Variants in KCNA2 observed in about 807,000 individuals in gnomAD.
KCNA2 encodes the protein potassium voltage-gated channel subfamily A member 2, also known as potassium channel, voltage gated shaker related subfamily A, member 2.
Under a neutral mutation model 33.4 loss-of-function variants are expected in KCNA2, and 11 were observed. The observed-to-expected ratio is 0.33, with a 90% CI of 0.21 to 0.55. KCNA2 has a LOEUF of 0.55. Ranked by LOEUF, KCNA2 falls within the 20% of genes least tolerant of loss-of-function variation. The probability of loss-of-function intolerance (pLI) is 0.93; values close to 1 mark genes in which losing one functional copy is unlikely to be tolerated. For synonymous variants in KCNA2, 222 were observed against 231.3 expected, an observed-to-expected ratio of 0.96 and a Z score of 0.37; for missense variants, 291 against 621.6, an observed-to-expected ratio of 0.47 and a Z score of 5.66.
chr1:110,596,659 A>C lies in KCNA2; in HGVS notation c.*6624T>G. On this transcript the variant is annotated 3_prime_UTR_variant, in exon 3 of 3. Transcript: ENST00000316361. ...CCTGTTATCTTCAAACACTCTACTTAACTAAGGCAGGAAAGTTATGCTAAC... is the reference window on the plus strand; with the variant it reads ...CCTGTTATCTTCAAACACTCTACTTCACTAAGGCAGGAAAGTTATGCTAAC... 1 of 861,392 alleles carries C rather than the reference A, an allele frequency of 1.2e-6. No individual in the cohort carries two copies. The highest frequency in any genetic ancestry group is 5.3e-5 in the South Asian group (1 of 18,788). 53.4% of individuals were successfully genotyped at this position (861,392 alleles called of 1,614,324 possible). A position where few individuals can be genotyped will look rare whatever the true frequency, so the allele number is the denominator to read the frequency against.
chr1:110,594,666 G>A lies in KCNA2; in HGVS notation c.*8617C>T, dbSNP rs1649020412. 2.6e-5 allele frequency: 26 copies of A among 985,362 alleles called. No homozygotes were observed. Among genetic ancestry groups the A allele is most frequent in the African/African-American group, 3.5e-5 (2 of 57,302 alleles). 61.0% of individuals were successfully genotyped at this position (985,362 alleles called of 1,614,324 possible). A position where few individuals can be genotyped will look rare whatever the true frequency, so the allele number is the denominator to read the frequency against. On this transcript the variant is annotated 3_prime_UTR_variant, in exon 3 of 3. Coordinates refer to ENST00000316361, the MANE Select transcript of KCNA2 (RefSeq NM_004974.4). ...TCAAATGAAGGAACCATCCAAGCAC[G>A]ACAACAAAAGGAAACTGGGTCGCTG... is the stretch of plus-strand genomic sequence containing the variant.
At chr1:110,611,786 G>A (rs567237667) in intron 1 of KCNA2, among the ~76,000 whole-genome samples, 2 of 151,852 alleles carry the variant, frequency 1.3e-5, no homozygotes, top group Non-Finnish European at 2.9e-5. Context: ...ACTCTGGGAG[G>A]TTGAGGAAAG....
intron 1 of KCNA2, among the ~76,000 whole-genome samples, chr1:110,613,861 C>T (rs1649964665): frequency 6.6e-6 from 1 of 152,216 alleles, no homozygotes; most frequent in Non-Finnish European, 1.5e-5. Context: ...GTGCTGTTCT[C>T]ATAGAGTGGG....
At chr1:110,611,067 A>G (rs1200128049), upstream of KCNA2, among the ~76,000 whole-genome samples, 1 of 147,628 alleles carries the variant, frequency 6.8e-6, no homozygotes, top group African/African-American at 2.5e-5. Context: ...GAAGGAAGGA[A>G]GGAAAGGGAC....
Position 110,594,758 on chromosome 1 carries a change from A to ACCC in KCNA2, c.*8522_*8524dup. The ACCC allele has an allele frequency of 1.0e-6, 1 of 984,944 alleles. No individual in the cohort carries two copies. Among genetic ancestry groups the ACCC allele is most frequent in the South Asian group, 4.7e-5 (1 of 21,234 alleles). 61.0% of individuals were successfully genotyped at this position (984,944 alleles called of 1,614,324 possible). A position where few individuals can be genotyped will look rare whatever the true frequency, so the allele number is the denominator to read the frequency against. The stretch of plus-strand genomic sequence containing the variant: ...TTCAAACCCTCAGGAGCTGAGACTC[A>ACCC]CCCCCGCCAAAGCCAGCCAGGCCTC... On this transcript the variant is annotated 3_prime_UTR_variant, in exon 3 of 3. Transcript: ENST00000316361.
At position 110,597,272 on chromosome 1, in the gene KCNA2, G is replaced by A; in HGVS notation, c.*6011C>T. ...AGGGGAAGCAAAAGGATCAAGTAATGGCTTTTAGTGCATGGAAATGATCTT... is the reference window on the plus strand; with the variant it reads ...AGGGGAAGCAAAAGGATCAAGTAATAGCTTTTAGTGCATGGAAATGATCTT... On this transcript the variant is annotated 3_prime_UTR_variant, in exon 3 of 3. Transcript: ENST00000316361. 1.0e-6 allele frequency: 1 copy of A among 985,424 alleles called. No homozygotes were observed. The highest frequency in any genetic ancestry group is 1.2e-6 in the Non-Finnish European group (1 of 829,934). 61.0% of individuals were successfully genotyped at this position (985,424 alleles called of 1,614,324 possible). A position where few individuals can be genotyped will look rare whatever the true frequency, so the allele number is the denominator to read the frequency against.
At position 110,601,560 on chromosome 1, in the gene KCNA2, A is replaced by C. The variant is rs1487694674; in HGVS notation, c.*1723T>G. ...CCACAGGGCCCTTGTGCACTCAGTA[A>C]GACAAGCTTCAGCCATGGGAACTGA... On this transcript the variant is annotated 3_prime_UTR_variant, in exon 3 of 3. Transcript: ENST00000316361. 1 of 987,722 alleles carries C rather than the reference A, an allele frequency of 1.0e-6. No homozygotes were observed. The highest frequency in any genetic ancestry group is 1.2e-6 in the Non-Finnish European group (1 of 831,620). The allele number at this position is 987,722 out of a possible 1,614,324, so 61.2% of individuals were successfully genotyped here.
chr1:110,624,412 C>T (rs2101465683), intron 1 of KCNA2, among the ~76,000 whole-genome samples: 1 of 152,376 alleles, frequency 6.6e-6, no homozygotes, highest in East Asian at 1.9e-4. Context: ...TGACTCCACT[C>T]CTGTGAAATT....
intron 1 of KCNA2, among the ~76,000 whole-genome samples, chr1:110,617,838 T>C (rs1426879747): frequency 1.3e-5 from 2 of 152,134 alleles, no homozygotes; most frequent in Non-Finnish European, 2.9e-5. Context: ...GGAGCTCACA[T>C]GGTGGGCAGT....
chr1:110,628,137 T>C (rs983330625), intron 1 of KCNA2, among the ~76,000 whole-genome samples: 2 of 152,232 alleles, frequency 1.3e-5, no homozygotes, highest in Non-Finnish European at 1.5e-5. Flanking sequence ...CAAGTTGTTC[T>C]TGTGCCCTGA....
chr1:110,623,792 G>T (rs1286514917), intron 1 of KCNA2, among the ~76,000 whole-genome samples: 2 of 152,092 alleles, frequency 1.3e-5, no homozygotes, highest in African/African-American at 2.4e-5. Flanking sequence ...ATTTAAAAAT[G>T]GGCAAGATAA....
At chr1:110,614,258 C>T (rs769017433) in intron 1 of KCNA2, among the ~76,000 whole-genome samples, 6 of 152,214 alleles carry the variant, frequency 3.9e-5, no homozygotes, top group South Asian at 2.1e-4. Context: ...TGGCCATCCT[C>T]GGAAGTTTTC....
chr1:110,606,398 A>C (rs1416220335), upstream of KCNA2: 1 of 152,234 alleles, frequency 6.6e-6, no homozygotes, highest in Non-Finnish European at 1.5e-5. Flanking sequence ...GCTTGGCAGC[A>C]GCGAGAGGGG....
At chr1:110,610,864 C>CA (rs1649840632), upstream of KCNA2, among the ~76,000 whole-genome samples, 1 of 152,148 alleles carries the variant, frequency 6.6e-6, no homozygotes, top group South Asian at 2.1e-4. Context: ...CAAAGGCTCC[C>CA]AAAGGGGAGG....
At chr1:110,616,178 T>C (rs1650057713) in intron 1 of KCNA2, among the ~76,000 whole-genome samples, 1 of 152,182 alleles carries the variant, frequency 6.6e-6, no homozygotes, top group African/African-American at 2.4e-5. Flanking sequence ...CTGGGTTAAA[T>C]CAGGGACTCT....
chr1:110,620,091 A>T (rs201810733), intron 1 of KCNA2, among the ~76,000 whole-genome samples: 2 of 144,224 alleles, frequency 1.4e-5, no homozygotes, highest in Admixed American at 6.8e-5. Context: ...AGAGAGAGTG[A>T]GTGAGAGAGA....
Position 110,597,551 on chromosome 1 carries a change from C to G in KCNA2, c.*5732G>C. The G allele has an allele frequency of 4.1e-6, 4 of 985,396 alleles. No homozygotes were observed. Among genetic ancestry groups the G allele is most frequent in the Non-Finnish European group, 4.8e-6 (4 of 829,928 alleles). The allele number at this position is 985,396 out of a possible 1,614,324, so 61.0% of individuals were successfully genotyped here. ...AGGAAGGAGACAAAGTGACAAAGCCCTCTCACAGGCCTTCCTTGTGCATAC... is the reference window on the plus strand; with the variant it reads ...AGGAAGGAGACAAAGTGACAAAGCCGTCTCACAGGCCTTCCTTGTGCATAC... On this transcript the variant is annotated 3_prime_UTR_variant, in exon 3 of 3. Coordinates refer to ENST00000316361, the MANE Select transcript of KCNA2 (RefSeq NM_004974.4).
In KCNA2 at chr1:110,601,212, T is replaced by C. The variant is rs1046667610; in HGVS notation, c.*2071A>G. On this transcript the variant is annotated 3_prime_UTR_variant, in exon 3 of 3. Coordinates refer to ENST00000316361, the MANE Select transcript of KCNA2 (RefSeq NM_004974.4). ...TGGGGAGAGAGTTTGGGTCTGGAGA[T>C]CAAAATGATGCCTTTGGATCATCTA... 1.0e-6 allele frequency: 1 copy of C among 985,340 alleles called. No individual in the cohort carries two copies. Among genetic ancestry groups the C allele is most frequent in the East Asian group, 1.1e-4 (1 of 8,802 alleles). 61.0% of individuals were successfully genotyped at this position (985,340 alleles called of 1,614,324 possible).
chr1:110,611,128 A>G (rs894943613), upstream of KCNA2, among the ~76,000 whole-genome samples: 1 of 152,168 alleles, frequency 6.6e-6, no homozygotes, highest in Non-Finnish European at 1.5e-5. Flanking sequence ...TACAGAGGAT[A>G]ATACCCATGG....
Sources: allele counts gnomAD v4.1 joint callset (sites outside exome capture counted in the v4.1 genomes callset), GRCh38; gene constraint gnomAD v4.1.1; transcripts MANE v1.5; gene names NCBI Gene and HGNC (gene_info 2026-07-23, HGNC 2026-07-21).